CHN2: variants seen among roughly 807,000 people sequenced by gnomAD.
CHN2 encodes the protein beta-chimaerin.
A neutral mutation model predicts 56.3 loss-of-function variants in CHN2; 35 were observed. The ratio of observed to expected loss-of-function variants is 0.62; its 90% confidence interval spans 0.47 to 0.82. The LOEUF (loss-of-function observed/expected upper bound fraction) is 0.82, where lower values mean the gene tolerates loss of function less well. CHN2 is among the 40% of genes least tolerant of loss of function. CHN2 has a pLI of 0.00. For synonymous variants in CHN2, 210 were observed against 212.8 expected (o/e 0.99, Z 0.12); for missense variants, 491 against 580.5 (o/e 0.85, Z 1.58).
intron 1 of CHN2, among the ~76,000 whole-genome samples, chr7:29,342,248 A>G (rs1562531139): frequency 1.3e-5 from 2 of 152,174 alleles, no homozygotes; most frequent in Admixed American, 6.5e-5. Context: ...GAACAGATGA[A>G]TGGATGGAGA....
intron 7 of CHN2, among the ~76,000 whole-genome samples, chr7:29,488,802 A>T (rs577269124): frequency 6.6e-6 from 1 of 152,210 alleles, no homozygotes; most frequent in African/African-American, 2.4e-5. Context: ...GCTGCCAAAC[A>T]TCCCACAATG....
chr7:29,393,488 TTCTAGG>T (rs1230983789), intron 3 of CHN2, among the ~76,000 whole-genome samples, 185 bp from the exon 4 acceptor site: 4 of 152,192 alleles, frequency 2.6e-5, no homozygotes, highest in Non-Finnish European at 5.9e-5. Context: ...TAATGATTGA[TTCTAGG>T]TCATTCCTAC....
intron 7 of CHN2, chr7:29,483,722 A>G (rs1247345653): frequency 1.6e-6 from 1 of 643,530 alleles, no homozygotes; most frequent in Non-Finnish European, 2.1e-6. Flanking sequence ...GGTCCACCCT[A>G]ATAATACCTT....
At chr7:29,170,151 G>A (rs1287536441) in intron 2 of CHN2, among the ~76,000 whole-genome samples, 1 of 152,130 alleles carries the variant, frequency 6.6e-6, no homozygotes, top group Non-Finnish European at 1.5e-5. Context: ...CTATGGGGTG[G>A]AGGGGGATTC....
chr7:29,220,857 A>G (rs1421694891), intron 1 of CHN2, among the ~76,000 whole-genome samples: 1 of 152,216 alleles, frequency 6.6e-6, no homozygotes, highest in Non-Finnish European at 1.5e-5. Context: ...ACCACCACCC[A>G]GTATCTTTCA....
At chr7:29,299,722 A>G (rs1793493724) in intron 1 of CHN2, among the ~76,000 whole-genome samples, 1 of 152,220 alleles carries the variant, frequency 6.6e-6, no homozygotes. Context: ...TTGTTGTCCC[A>G]TAATTCCTGT....
intron 1 of CHN2, among the ~76,000 whole-genome samples, chr7:29,261,680 G>C (rs1481798199): frequency 1.3e-5 from 2 of 152,174 alleles, no homozygotes; most frequent in Middle Eastern, 3.2e-3. Context: ...TATTTGGGCA[G>C]AACACATTAC....
In CHN2 at chr7:29,398,058, AGGGG is replaced by A. The variant is rs10546638; in HGVS notation, c.177-305_177-302del. Reference sequence around the variant, plus strand: ...CTGTTATTTCCCATGGTTAAAAAAAAGGGGGGGGGGGGGCGGTGGTTGAGTAACC... The same window carrying A: ...CTGTTATTTCCCATGGTTAAAAAAAAGGGGGGGGGCGGTGGTTGAGTAACC... On this transcript the variant is annotated intron_variant, in intron 4 of 12. Coordinates refer to ENST00000222792, the MANE Select transcript of CHN2 (RefSeq NM_004067.4). The A allele has an allele frequency of 4.2e-3, 662 of 159,062 alleles. 3 individuals carry two copies. Among genetic ancestry groups the A allele is most frequent in the East Asian group, 0.012 (72 of 6,222 alleles). The allele number at this position is 159,062 out of a possible 1,614,324, so 9.9% of individuals were successfully genotyped here.
intron 6 of CHN2, among the ~76,000 whole-genome samples, chr7:29,476,718 A>G (rs1271894525): frequency 6.6e-6 from 1 of 152,094 alleles, no homozygotes; most frequent in Non-Finnish European, 1.5e-5. Flanking sequence ...CCATGTCTGG[A>G]GACATTTTTT....
chr7:29,512,380 A>G (rs1006805295), intron 12 of CHN2, among the ~76,000 whole-genome samples, 184 bp from the exon 13 acceptor site: 3 of 152,234 alleles, frequency 2.0e-5, no homozygotes, highest in African/African-American at 7.2e-5. Flanking sequence ...GGCAATGTCA[A>G]CAATTTAAAA....
At chr7:29,201,912 C>A (rs1784194480) in intron 1 of CHN2, among the ~76,000 whole-genome samples, 1 of 152,106 alleles carries the variant, frequency 6.6e-6, no homozygotes, top group Non-Finnish European at 1.5e-5. Context: ...AAAGTAATTT[C>A]TTTATGACCC....
intron 1 of CHN2, among the ~76,000 whole-genome samples, chr7:29,327,582 T>A (rs1320053006): frequency 1.3e-5 from 2 of 152,192 alleles, no homozygotes; most frequent in African/African-American, 4.8e-5. Context: ...CTTTTTACCT[T>A]CTGTTTAGTC....
At chr7:29,223,931 C>T (rs557446262) in intron 1 of CHN2, among the ~76,000 whole-genome samples, 5 of 152,180 alleles carry the variant, frequency 3.3e-5, no homozygotes, top group Non-Finnish European at 7.4e-5. Flanking sequence ...TGCACCATTT[C>T]TTATTGACTT....
chr7:29,198,623 T>TA (rs1562824160), intron 1 of CHN2, among the ~76,000 whole-genome samples: 2 of 151,938 alleles, frequency 1.3e-5, no homozygotes, highest in South Asian at 2.1e-4. Flanking sequence ...ATTGCAAAAA[T>TA]AAAAAAAAGT....
chr7:29,169,386 C>A (rs967939916), intron 2 of CHN2, among the ~76,000 whole-genome samples: 1 of 151,912 alleles, frequency 6.6e-6, no homozygotes, highest in Non-Finnish European at 1.5e-5. Flanking sequence ...ATTTTCATAC[C>A]CCTCTAAACA....
chr7:29,486,800 C>T (rs1165660816), intron 7 of CHN2, among the ~76,000 whole-genome samples: 1 of 152,154 alleles, frequency 6.6e-6, no homozygotes, highest in Non-Finnish European at 1.5e-5. Context: ...GTTCAAGAAG[C>T]TAAGAATATG....
At chr7:29,188,804 A>T (rs1224642373) in intron 2 of CHN2, among the ~76,000 whole-genome samples, 4 of 152,246 alleles carry the variant, frequency 2.6e-5, no homozygotes, top group Non-Finnish European at 5.9e-5. Flanking sequence ...CGTCACCGGC[A>T]TGGATAATAG....
chr7:29,490,965 G>A (rs1261960132), intron 7 of CHN2, among the ~76,000 whole-genome samples: 1 of 152,090 alleles, frequency 6.6e-6, no homozygotes, highest in Non-Finnish European at 1.5e-5. Flanking sequence ...ACTAGTTTCT[G>A]TGAAAGATGT....
At chr7:29,452,431 A>G (rs1488577308) in intron 6 of CHN2, among the ~76,000 whole-genome samples, 2 of 152,202 alleles carry the variant, frequency 1.3e-5, no homozygotes, top group African/African-American at 4.8e-5. Flanking sequence ...ATTGCAGCTC[A>G]CTTTCCTCAC....
Sources: allele counts gnomAD v4.1 joint callset (sites outside exome capture counted in the v4.1 genomes callset), GRCh38; gene constraint gnomAD v4.1.1; transcripts MANE v1.5; gene names NCBI Gene and HGNC (gene_info 2026-07-23, HGNC 2026-07-21).